The following ADAMTS17 variants were observed in gnomAD, a reference collection of about 807,000 sequenced individuals.
ADAMTS17 encodes ADAM metallopeptidase with thrombospondin type 1 motif 17.
Under a neutral mutation model 141.5 loss-of-function variants are expected in ADAMTS17, and 113 were observed. That is an observed-to-expected ratio of 0.80 (90% CI 0.69 to 0.93). The LOEUF is 0.93. ADAMTS17 is among the 40% of genes least tolerant of loss of function. The probability of loss-of-function intolerance (pLI) is 0.00; values close to 1 mark genes in which losing one functional copy is unlikely to be tolerated. For missense variants in ADAMTS17, 1,659 were observed against 1,517.9 expected (o/e 1.09, Z -1.54); for synonymous variants, 768 against 630.6 (o/e 1.22, Z -3.27).
chr15:100,216,632 CG>C (rs1205803489), intron 7 of ADAMTS17, among the ~76,000 whole-genome samples: 1 of 152,178 alleles, frequency 6.6e-6, no homozygotes, highest in East Asian at 1.9e-4. Flanking sequence ...GACAAGCTCA[CG>C]GAACCCTTTT....
At chr15:100,022,728 CAG>C (rs1333703989) in intron 18 of ADAMTS17, among the ~76,000 whole-genome samples, 1 of 152,140 alleles carries the variant, frequency 6.6e-6, no homozygotes, top group Non-Finnish European at 1.5e-5. Context: ...GAGTAAATTA[CAG>C]AGAGTCTTGG....
chr15:100,315,693 TAC>T (rs1267211390), intron 3 of ADAMTS17, among the ~76,000 whole-genome samples: 1 of 152,016 alleles, frequency 6.6e-6, no homozygotes, highest in African/African-American at 2.4e-5. Context: ...TAAAAAAAAT[TAC>T]AGAGGCCTAA....
chr15:100,198,498 T>A (rs1315296580), intron 8 of ADAMTS17, among the ~76,000 whole-genome samples: 1 of 152,248 alleles, frequency 6.6e-6, no homozygotes, highest in Non-Finnish European at 1.5e-5. Flanking sequence ...TTTACTTATG[T>A]TCTATTCAAT....
At chr15:100,131,970 C>G (rs776521046) in intron 12 of ADAMTS17, 37 bp downstream of exon 12, 2 of 1,613,952 alleles carry the variant, frequency 1.2e-6, no homozygotes, top group Non-Finnish European at 1.7e-6. Context: ...AAACTCCAAT[C>G]GTGGCACGTT....
At chr15:99,979,725 CTTCTA>C (rs1040359796) in intron 20 of ADAMTS17, 3 of 152,344 alleles carry the variant, frequency 2.0e-5, no homozygotes, top group African/African-American at 7.2e-5. Flanking sequence ...CACAAAACTG[CTTCTA>C]TTCAACTGTT....
intron 8 of ADAMTS17, among the ~76,000 whole-genome samples, chr15:100,179,517 A>G (rs913848735): frequency 6.6e-6 from 1 of 152,216 alleles, no homozygotes; most frequent in Non-Finnish European, 1.5e-5. Flanking sequence ...GCGAGTGCAG[A>G]TATCTCTTTG....
chr15:100,161,251 C>T (rs991160515), intron 8 of ADAMTS17, among the ~76,000 whole-genome samples: 4 of 152,230 alleles, frequency 2.6e-5, no homozygotes, highest in Non-Finnish European at 5.9e-5. Flanking sequence ...TTCCGAATCT[C>T]GCAGGACATG....
At chr15:100,213,489 C>T (rs1185088540) in intron 7 of ADAMTS17, among the ~76,000 whole-genome samples, 2 of 152,120 alleles carry the variant, frequency 1.3e-5, no homozygotes, top group African/African-American at 4.8e-5. Context: ...GCACACACAC[C>T]ACACACACCC....
At chr15:100,116,148 A>AAC (rs1555454309) in intron 13 of ADAMTS17, among the ~76,000 whole-genome samples, 10 of 142,424 alleles carry the variant, frequency 7.0e-5, no homozygotes, top group African/African-American at 2.6e-4. Flanking sequence ...AAAAAAAAAA[A>AAC]AAAAAAAAAA....
At chr15:100,203,924 G>A (rs192789179) in intron 7 of ADAMTS17, among the ~76,000 whole-genome samples, 4 of 151,612 alleles carry the variant, frequency 2.6e-5, no homozygotes, top group Non-Finnish European at 5.9e-5. Context: ...GGGGTGTAAT[G>A]AATTCTTCTG....
intron 7 of ADAMTS17, among the ~76,000 whole-genome samples, chr15:100,202,579 G>A (rs1255343758): frequency 6.6e-6 from 1 of 152,188 alleles, no homozygotes; most frequent in Non-Finnish European, 1.5e-5. Flanking sequence ...GCTGTGGGGG[G>A]AGTAAACAGT....
chr15:99,971,838 G>C lies in ADAMTS17; in HGVS notation c.*2564C>G, dbSNP rs972171040. The C allele has an allele frequency of 2.6e-5, 4 of 152,246 alleles. No individual in the cohort carries two copies. The highest frequency in any genetic ancestry group is 9.6e-5 in the African/African-American group (4 of 41,458). The allele number at this position is 152,246 out of a possible 1,614,324, so 9.4% of individuals were successfully genotyped here. On this transcript the variant is annotated 3_prime_UTR_variant, in exon 22 of 22. Transcript: ENST00000268070. ...GGTACAGTACTCGAGGGACAGTACA[G>C]GGTATTAACACAGAAACATCACTGC...
At chr15:100,162,736 T>G (rs60669307) in intron 8 of ADAMTS17, among the ~76,000 whole-genome samples, 3,560 of 130,544 alleles carry the variant, frequency 0.027, 256 homozygotes, top group African/African-American at 0.061. Context: ...TGTATATATA[T>G]GCACATATAC....
intron 8 of ADAMTS17, among the ~76,000 whole-genome samples, chr15:100,161,610 T>C (rs2039696270): frequency 6.6e-6 from 1 of 152,240 alleles, no homozygotes; most frequent in African/African-American, 2.4e-5. Flanking sequence ...AGATGTGTAT[T>C]TGTTATTGCT....
At chr15:100,224,321 G>T (rs1027301437) in intron 7 of ADAMTS17, among the ~76,000 whole-genome samples, 4 of 152,122 alleles carry the variant, frequency 2.6e-5, no homozygotes, top group Admixed American at 2.6e-4. Flanking sequence ...ACAGGAGGGT[G>T]GGGGGTACAG....
At chr15:100,085,575 G>T (rs1207046302) in intron 15 of ADAMTS17, among the ~76,000 whole-genome samples, 1 of 151,976 alleles carries the variant, frequency 6.6e-6, no homozygotes, top group Non-Finnish European at 1.5e-5. Context: ...AGGAAAAAAT[G>T]TTAAGGGCAG....
At chr15:100,239,593 G>A (rs1036767477) in intron 7 of ADAMTS17, among the ~76,000 whole-genome samples, 9 of 152,306 alleles carry the variant, frequency 5.9e-5, no homozygotes, top group African/African-American at 1.4e-4. Context: ...TCTCTCCAGC[G>A]TTGCAGGAGG....
chr15:100,101,418 T>C (rs1401249077), intron 14 of ADAMTS17, among the ~76,000 whole-genome samples: 2 of 152,228 alleles, frequency 1.3e-5, no homozygotes, highest in Non-Finnish European at 2.9e-5. Flanking sequence ...GCACTCGGAA[T>C]GTGATCAACA....
intron 15 of ADAMTS17, among the ~76,000 whole-genome samples, chr15:100,065,389 G>T (rs2033445276): frequency 1.3e-5 from 2 of 152,094 alleles, no homozygotes; most frequent in South Asian, 4.2e-4. Flanking sequence ...TTGATCTATA[G>T]GCTATATGAG....
Sources: allele counts gnomAD v4.1 joint callset (sites outside exome capture counted in the v4.1 genomes callset), GRCh38; gene constraint gnomAD v4.1.1; transcripts MANE v1.5; gene names NCBI Gene and HGNC (gene_info 2026-07-23, HGNC 2026-07-21).